Variants in NPAS3 observed in about 807,000 individuals in gnomAD.
The protein encoded by NPAS3 is neuronal PAS domain-containing protein 3.
Under a neutral mutation model 73.1 loss-of-function variants are expected in NPAS3, and 14 were observed. The observed-to-expected ratio is 0.19, with a 90% CI of 0.13 to 0.30. The LOEUF (loss-of-function observed/expected upper bound fraction) is 0.30, where lower values mean the gene tolerates loss of function less well. Among genes scored for constraint, NPAS3 ranks in the 10% least tolerant of loss-of-function variants. The pLI, the probability that NPAS3 is intolerant of heterozygous loss-of-function variation, is 1.00. For synonymous variants in NPAS3, 620 were observed against 541.5 expected, an observed-to-expected ratio of 1.14 and a Z score of -2.01; for missense variants, 1,096 against 1,250.0, an observed-to-expected ratio of 0.88 and a Z score of 1.86.
chr14:32,942,011 A>T (rs1476172031), intron 1 of NPAS3, among the ~76,000 whole-genome samples: 1 of 152,242 alleles, frequency 6.6e-6, no homozygotes, highest in Non-Finnish European at 1.5e-5. Context: ...TGTTTTTCAT[A>T]CTTGCTTCAA....
intron 4 of NPAS3, among the ~76,000 whole-genome samples, chr14:33,370,417 T>C (rs888935398): frequency 1.3e-5 from 2 of 152,150 alleles, no homozygotes; most frequent in African/African-American, 4.8e-5. Flanking sequence ...TAAATCTTAC[T>C]TGGGGACTGT....
At chr14:33,459,757 A>C (rs2050176134) in intron 4 of NPAS3, among the ~76,000 whole-genome samples, 1 of 152,212 alleles carries the variant, frequency 6.6e-6, no homozygotes, top group African/African-American at 2.4e-5. Flanking sequence ...ATCTCCCTTA[A>C]ATATCACTGA....
chr14:33,438,089 AATG>A (rs1209701568), intron 4 of NPAS3, among the ~76,000 whole-genome samples: 3 of 152,234 alleles, frequency 2.0e-5, no homozygotes, highest in Non-Finnish European at 4.4e-5. Flanking sequence ...ATGTCAGTCA[AATG>A]AAGATAGAAA....
intron 6 of NPAS3, among the ~76,000 whole-genome samples, chr14:33,695,876 A>G (rs1027971108): frequency 6.6e-6 from 1 of 152,214 alleles, no homozygotes; most frequent in Non-Finnish European, 1.5e-5. Flanking sequence ...GCACAGCTGT[A>G]ACTGTGGGGT....
chr14:33,292,283 G>A (rs1183566272), intron 3 of NPAS3, among the ~76,000 whole-genome samples: 2 of 152,062 alleles, frequency 1.3e-5, no homozygotes, highest in African/African-American at 2.4e-5. Flanking sequence ...TGCAGCCCCA[G>A]GATATCATGG....
intron 2 of NPAS3, among the ~76,000 whole-genome samples, chr14:33,061,591 A>G (rs1953449): frequency 0.43 from 66,121 of 152,060 alleles, 14,941 homozygotes; most frequent in Admixed American, 0.53. Flanking sequence ...TATGTTGGTA[A>G]TGTGGATGGC....
intron 7 of NPAS3, among the ~76,000 whole-genome samples, chr14:33,768,715 C>A (rs957367087): frequency 4.6e-5 from 7 of 152,150 alleles, no homozygotes; most frequent in Admixed American, 3.9e-4. Flanking sequence ...AGAAGACTTG[C>A]CAAAGTTACC....
intron 5 of NPAS3, among the ~76,000 whole-genome samples, chr14:33,582,970 GTT>G (rs55885070): frequency 1.5e-4 from 14 of 93,274 alleles, no homozygotes; most frequent in East Asian, 2.4e-4. Flanking sequence ...TATTTAAAGG[GTT>G]TTTTTTTTTT....
In NPAS3 at chr14:33,180,799, C is replaced by CAAAAAAAAAAAA. The variant is rs1555350930; in HGVS notation, c.141-34381_141-34380insAAAAAAAAAAAA. Among the ~76,000 whole-genome samples, 4 of 69,346 alleles carry CAAAAAAAAAAAA rather than the reference C, an allele frequency of 5.8e-5. 1 individual carries two copies. The highest frequency in any genetic ancestry group is 5.8e-5 in the African/African-American group (1 of 17,194). 45.5% of individuals were successfully genotyped at this position (69,346 alleles called of 152,430 possible). A position where few individuals can be genotyped will look rare whatever the true frequency, so the allele number is the denominator to read the frequency against. ...GGGCGACAGAGCGAGACACTGTCTCCAAGAAAAAAAAAAAAAAAAAAAAAA... is the reference window on the plus strand; with the variant it reads ...GGGCGACAGAGCGAGACACTGTCTCCAAAAAAAAAAAAAAGAAAAAAAAAAAAAAAAAAAAAA... On this transcript the variant is annotated intron_variant, in intron 2 of 11. Transcript: ENST00000356141.
At chr14:33,691,525 C>T (rs917906216) in intron 6 of NPAS3, among the ~76,000 whole-genome samples, 8 of 152,174 alleles carry the variant, frequency 5.3e-5, no homozygotes, top group Admixed American at 6.5e-5. Flanking sequence ...GTAATGATCA[C>T]GGAAAGGTTT....
chr14:33,589,133 T>C (rs1452735358), intron 5 of NPAS3, among the ~76,000 whole-genome samples: 1 of 152,226 alleles, frequency 6.6e-6, no homozygotes, highest in African/African-American at 2.4e-5. Flanking sequence ...TATCTTTCAG[T>C]TTCTTTTTGA....
intron 2 of NPAS3, among the ~76,000 whole-genome samples, chr14:33,144,167 A>T (rs568071970): frequency 1.2e-4 from 19 of 152,294 alleles, no homozygotes; most frequent in African/African-American, 4.3e-4. Context: ...ATCATCTTAC[A>T]TTCACACTGG....
At chr14:33,730,251 A>G (rs1036920921) in intron 6 of NPAS3, among the ~76,000 whole-genome samples, 1 of 152,206 alleles carries the variant, frequency 6.6e-6, no homozygotes, top group Non-Finnish European at 1.5e-5. Flanking sequence ...TAAGAACAGT[A>G]TATTGGCAAC....
chr14:33,146,674 A>G (rs2139210402), intron 2 of NPAS3, among the ~76,000 whole-genome samples: 1 of 152,310 alleles, frequency 6.6e-6, no homozygotes, highest in African/African-American at 2.4e-5. Context: ...TATCTTATTC[A>G]CCTTTGCAGT....
chr14:33,127,239 C>A (rs2043460007), intron 2 of NPAS3, among the ~76,000 whole-genome samples: 1 of 152,090 alleles, frequency 6.6e-6, no homozygotes, highest in Non-Finnish European at 1.5e-5. Context: ...ATTCAGCCAC[C>A]AAGCTTTGCT....
chr14:32,988,858 T>A (rs1472889875), intron 1 of NPAS3, among the ~76,000 whole-genome samples: 1 of 152,220 alleles, frequency 6.6e-6, no homozygotes, highest in South Asian at 2.1e-4. Context: ...TATCTCCAAT[T>A]ATGTAACCCA....
chr14:33,651,045 C>T (rs1199537327), intron 5 of NPAS3, among the ~76,000 whole-genome samples: 5 of 152,152 alleles, frequency 3.3e-5, no homozygotes, highest in Non-Finnish European at 7.3e-5. Context: ...AGGAGCCAGA[C>T]AAAGACTGCG....
At chr14:33,311,930 G>A (rs1232138830) in intron 3 of NPAS3, among the ~76,000 whole-genome samples, 2 of 152,088 alleles carry the variant, frequency 1.3e-5, no homozygotes, top group East Asian at 1.9e-4. Flanking sequence ...GAGGGAAATA[G>A]GCATGATATG....
chr14:33,780,651 C>CAGGA (rs2062951523), intron 9 of NPAS3: 2 of 454,822 alleles, frequency 4.4e-6, no homozygotes, highest in Non-Finnish European at 8.8e-6. Flanking sequence ...CACAATTCCT[C>CAGGA]AGGAACAGTG....
Sources: allele counts gnomAD v4.1 joint callset (sites outside exome capture counted in the v4.1 genomes callset), GRCh38; gene constraint gnomAD v4.1.1; transcripts MANE v1.5; gene names NCBI Gene and HGNC (gene_info 2026-07-23, HGNC 2026-07-21).